Variants in GALNT7 observed in about 807,000 individuals in gnomAD.
GALNT7 encodes N-acetylgalactosaminyltransferase 7.
In GALNT7, 60 loss-of-function variants were observed where a neutral mutation model predicts 82.1. The ratio of observed to expected loss-of-function variants is 0.73; its 90% CI spans 0.59 to 0.91. The LOEUF (loss-of-function observed/expected upper bound fraction) is 0.91, where lower values mean the gene tolerates loss of function less well. Ranked by LOEUF, GALNT7 falls within the 40% of genes least tolerant of loss-of-function variation. The pLI is 0.00. For missense variants in GALNT7, 660 were observed against 804.2 expected, an observed-to-expected ratio of 0.82 and a Z score of 2.17; for synonymous variants, 243 against 275.1, an observed-to-expected ratio of 0.88 and a Z score of 1.15.
intron 2 of GALNT7, among the ~76,000 whole-genome samples, chr4:173,252,721 C>T (rs1173565288): frequency 6.6e-6 from 1 of 152,162 alleles, no homozygotes; most frequent in African/African-American, 2.4e-5. Flanking sequence ...ATTTTCTTCA[C>T]AGTTCAACAG....
chr4:173,178,471 G>A (rs36050097), intron 1 of GALNT7, among the ~76,000 whole-genome samples: 18,390 of 152,074 alleles, frequency 0.12, 1,382 homozygotes, highest in Non-Finnish European at 0.17. Context: ...ATGTCTTTTT[G>A]GAAAGGGAAG....
At chr4:173,187,240 C>G (rs1732489241) in intron 1 of GALNT7, among the ~76,000 whole-genome samples, 2 of 152,060 alleles carry the variant, frequency 1.3e-5, no homozygotes, top group African/African-American at 4.8e-5. Flanking sequence ...ACATAGTCCA[C>G]AGTATAAATA....
chr4:173,178,001 G>T (rs557590944), intron 1 of GALNT7, among the ~76,000 whole-genome samples: 45 of 142,742 alleles, frequency 3.2e-4, no homozygotes, highest in Admixed American at 3.0e-3. Flanking sequence ...CTCCCTATCC[G>T]CAAGTCTGTG....
chr4:173,250,670 T>G (rs1734815694), intron 2 of GALNT7, among the ~76,000 whole-genome samples: 1 of 152,174 alleles, frequency 6.6e-6, no homozygotes, highest in Non-Finnish European at 1.5e-5. Context: ...TGTGGTCTTT[T>G]AGAAACCCAA....
chr4:173,284,568 C>T (rs547683357), intron 2 of GALNT7, among the ~76,000 whole-genome samples: 5 of 152,062 alleles, frequency 3.3e-5, no homozygotes, highest in African/African-American at 1.2e-4. Flanking sequence ...CTTTGTAGCA[C>T]CCAAAAGCAA....
intron 2 of GALNT7, among the ~76,000 whole-genome samples, chr4:173,256,232 G>A (rs1202896858): frequency 6.6e-6 from 1 of 152,130 alleles, no homozygotes; most frequent in Non-Finnish European, 1.5e-5. Flanking sequence ...GAAGCTGCAC[G>A]TGCATCCAAA....
intron 1 of GALNT7, among the ~76,000 whole-genome samples, chr4:173,169,874 G>A (rs999738132): frequency 6.6e-6 from 1 of 152,026 alleles, no homozygotes; most frequent in Non-Finnish European, 1.5e-5. Flanking sequence ...CCCCGCGCCG[G>A]CTGCCGGCTA....
chr4:173,198,841 A>G (rs1049237090), intron 1 of GALNT7, among the ~76,000 whole-genome samples: 39 of 152,194 alleles, frequency 2.6e-4, no homozygotes, highest in Non-Finnish European at 2.2e-4. Context: ...TACGTTGAAT[A>G]TAATAAATCA....
intron 2 of GALNT7, among the ~76,000 whole-genome samples, chr4:173,267,380 C>T (rs1735541402): frequency 6.6e-6 from 1 of 152,104 alleles, no homozygotes; most frequent in Non-Finnish European, 1.5e-5. Flanking sequence ...AAGAGCATTC[C>T]ATTAAAATGC....
chr4:173,222,342 G>A (rs745559142), intron 1 of GALNT7, among the ~76,000 whole-genome samples: 2 of 151,942 alleles, frequency 1.3e-5, no homozygotes, highest in Non-Finnish European at 2.9e-5. Flanking sequence ...ACGTGATGTC[G>A]GCTCACTGCA....
intron 1 of GALNT7, among the ~76,000 whole-genome samples, chr4:173,194,793 C>T (rs149727994): frequency 1.3e-5 from 2 of 152,038 alleles, no homozygotes; most frequent in African/African-American, 4.8e-5. Flanking sequence ...TCCCCGCTTC[C>T]CCCACCCCAC....
chr4:173,286,224 C>T (rs1736316887), intron 2 of GALNT7, among the ~76,000 whole-genome samples: 1 of 152,216 alleles, frequency 6.6e-6, no homozygotes, highest in African/African-American at 2.4e-5. Context: ...GCACCACTAC[C>T]TTTTCACAAT....
At position 173,250,371 on chromosome 4, in the gene GALNT7, A is replaced by G. The variant is rs1284475246; in HGVS notation, c.587+1931A>G. Among the ~76,000 whole-genome samples the G allele has an allele frequency of 3.3e-5, 5 of 152,322 alleles. No homozygotes were observed. The East Asian group carries it at 7.7e-4, about 23-fold the overall frequency. On this transcript the variant is annotated intron_variant, in intron 2 of 11. Transcript: ENST00000265000. ...TATAGCTAACTTTTCAATATAAGAA[A>G]TAAGAAAATTAAATGATGTACAAGG...
chr4:173,295,666 A>G lies in GALNT7; in HGVS notation c.886-98A>G, dbSNP rs578238907. Reference sequence around the variant, plus strand: ...GATAACTTATGTGTCAGAATTGACTATAATGCTAATTTTTATTAGCATCTA... The same window carrying G: ...GATAACTTATGTGTCAGAATTGACTGTAATGCTAATTTTTATTAGCATCTA... On this transcript the variant is annotated intron_variant, in intron 4 of 11. Transcript: ENST00000265000. The G allele has an allele frequency of 5.4e-6, 6 of 1,119,102 alleles. No individual in the cohort carries two copies. In the South Asian group the frequency reaches 7.8e-5, roughly 14 times the overall value. The allele number at this position is 1,119,102 out of a possible 1,614,324, so 69.3% of individuals were successfully genotyped here.
chr4:173,188,262 G>A (rs1318398384), intron 1 of GALNT7, among the ~76,000 whole-genome samples: 3 of 152,178 alleles, frequency 2.0e-5, no homozygotes, highest in Non-Finnish European at 2.9e-5. Flanking sequence ...TGGTCTTCTA[G>A]GTAACAACTA....
rs567889053 is a variant in GALNT7, at chr4:173,169,106, A to AG, written c.126+150dup. ...GGTGGTGCTGGCGCAGCGCGGGCCGAGGGGGTGCCGAGCCCCGCGCACTCC... is the reference window on the plus strand; with the variant it reads ...GGTGGTGCTGGCGCAGCGCGGGCCGAGGGGGGTGCCGAGCCCCGCGCACTCC... On this transcript the variant is annotated intron_variant, in intron 1 of 11. Coordinates refer to ENST00000265000, the MANE Select transcript of GALNT7 (RefSeq NM_017423.3). 7.7e-5 allele frequency: 46 copies of AG among 597,184 alleles called. No homozygotes were observed. In the African/African-American group the frequency reaches 8.4e-4, roughly 11 times the overall value. The allele number at this position is 597,184 out of a possible 1,614,324, so 37.0% of individuals were successfully genotyped here.
chr4:173,198,423 T>C (rs1403488748), intron 1 of GALNT7, among the ~76,000 whole-genome samples: 1 of 152,092 alleles, frequency 6.6e-6, no homozygotes, highest in Non-Finnish European at 1.5e-5. Context: ...CTTAAAGCAA[T>C]GTCAACAGCC....
chr4:173,257,604 C>A (rs1191880091), intron 2 of GALNT7, among the ~76,000 whole-genome samples: 1 of 152,148 alleles, frequency 6.6e-6, no homozygotes, highest in Non-Finnish European at 1.5e-5. Flanking sequence ...GGGAAATGAC[C>A]TGTAGCTTTG....
At chr4:173,211,667 T>TGC (rs1733289523) in intron 1 of GALNT7, among the ~76,000 whole-genome samples, 1 of 152,260 alleles carries the variant, frequency 6.6e-6, no homozygotes, top group South Asian at 2.1e-4. Flanking sequence ...CGAGCACGTG[T>TGC]GCACACACAC....
Sources: gnomAD v4.1 joint callset for allele counts (sites outside exome capture counted in the v4.1 genomes callset) on GRCh38, gnomAD v4.1.1 for gene constraint, MANE v1.5 for transcripts, NCBI Gene and HGNC (gene_info 2026-07-23, HGNC 2026-07-21) for gene names.